The following GRIP1 variants were observed in gnomAD, a reference collection of about 807,000 sequenced individuals.
GRIP1 encodes the protein glutamate receptor-interacting protein 1.
A neutral mutation model predicts 129.9 loss-of-function variants in GRIP1; 45 were observed. The ratio of observed to expected loss-of-function variants is 0.35; its 90% CI spans 0.27 to 0.44. The LOEUF (loss-of-function observed/expected upper bound fraction) is 0.44. GRIP1 is among the 20% of genes least tolerant of loss of function. GRIP1 has a pLI of 1.00. For missense variants in GRIP1, 1,196 were observed against 1,396.8 expected (o/e 0.86, Z 2.29); for synonymous variants, 530 against 520.8 (o/e 1.02, Z -0.24).
At chr12:66,660,428 A>T (rs919471518) in intron 1 of GRIP1, among the ~76,000 whole-genome samples, 1 of 152,142 alleles carries the variant, frequency 6.6e-6, no homozygotes, top group Non-Finnish European at 1.5e-5. Flanking sequence ...TAAATTAATG[A>T]ATTATCCTCT....
chr12:66,973,641 T>C (rs941786328), intron 1 of GRIP1, among the ~76,000 whole-genome samples: 1 of 152,140 alleles, frequency 6.6e-6, no homozygotes, highest in Non-Finnish European at 1.5e-5. Flanking sequence ...CTAGGAAAGA[T>C]AATTCTGTTA....
At chr12:66,390,817 C>T (rs1396532350) in intron 19 of GRIP1, among the ~76,000 whole-genome samples, 6 of 152,086 alleles carry the variant, frequency 3.9e-5, no homozygotes, top group Non-Finnish European at 8.8e-5. Context: ...TTCTGGTGGC[C>T]CATCAATTCT....
At chr12:66,456,370 T>C in intron 9 of GRIP1, 28 bp from the exon 10 acceptor site, 2 of 1,249,460 alleles carry the variant, frequency 1.6e-6, no homozygotes, top group Non-Finnish European at 2.1e-6. Context: ...TGATGAAAAA[T>C]AAGAAAAACA....
intron 1 of GRIP1, among the ~76,000 whole-genome samples, chr12:66,875,646 T>C (rs2040370506): frequency 6.6e-6 from 1 of 152,220 alleles, no homozygotes; most frequent in Middle Eastern, 3.4e-3. Flanking sequence ...GGTAGAAGAC[T>C]TCATTGCTTA....
intron 1 of GRIP1, among the ~76,000 whole-genome samples, chr12:66,613,888 T>A (rs575930646): frequency 1.3e-5 from 2 of 152,326 alleles, no homozygotes; most frequent in Admixed American, 1.3e-4. Flanking sequence ...TACCATCCAC[T>A]TCTGGTCAGA....
chr12:67,009,263 G>A (rs1474630933), intron 1 of GRIP1, among the ~76,000 whole-genome samples: 2 of 152,148 alleles, frequency 1.3e-5, no homozygotes, highest in Non-Finnish European at 2.9e-5. Context: ...AAGATTTTAA[G>A]AGGGGATTAT....
At chr12:66,797,412 C>CCT (rs1388595614) in intron 1 of GRIP1, among the ~76,000 whole-genome samples, 4 of 152,048 alleles carry the variant, frequency 2.6e-5, no homozygotes, top group African/African-American at 4.8e-5. Flanking sequence ...GCCAGTGATT[C>CCT]CTCTCTCTCT....
chr12:66,948,536 T>G (rs906761491), intron 1 of GRIP1, among the ~76,000 whole-genome samples: 25 of 152,300 alleles, frequency 1.6e-4, no homozygotes, highest in African/African-American at 4.8e-4. Flanking sequence ...ATGAGCTGCT[T>G]CTTCTGTCTT....
intron 7 of GRIP1, among the ~76,000 whole-genome samples, chr12:66,465,703 C>G (rs1262553423): frequency 2.0e-5 from 3 of 152,216 alleles, no homozygotes; most frequent in Admixed American, 2.0e-4. Flanking sequence ...TCTTATGTAT[C>G]TTTATCCCCT....
intron 13 of GRIP1, among the ~76,000 whole-genome samples, chr12:66,435,207 T>TTTTG (rs2058266301): frequency 1.3e-5 from 2 of 151,160 alleles, no homozygotes; most frequent in Non-Finnish European, 3.0e-5. Flanking sequence ...TGACCATTTT[T>TTTTG]TTTTTTTTTT....
intron 1 of GRIP1, among the ~76,000 whole-genome samples, chr12:66,988,942 A>T (rs1021122907): frequency 5.9e-5 from 9 of 152,196 alleles, no homozygotes; most frequent in African/African-American, 2.2e-4. Flanking sequence ...CTAAATGCTG[A>T]TCATAACTTA....
rs2054078515 is a variant in GRIP1 at position 66,348,491 on chromosome 12, A to AAGAT, written c.*524_*527dup. 1 of 164,028 alleles carries AAGAT rather than the reference A, an allele frequency of 6.1e-6. No individual in the cohort carries two copies. The highest frequency in any genetic ancestry group is 1.3e-5 in the Non-Finnish European group (1 of 74,600). 10.2% of individuals were successfully genotyped at this position (164,028 alleles called of 1,614,324 possible). On this transcript the variant is annotated 3_prime_UTR_variant, in exon 25 of 25. Coordinates refer to ENST00000359742, the MANE Select transcript of GRIP1 (RefSeq NM_001366722.1). Reference sequence around the variant, plus strand: ...ACGTGCATCATTGCTGAAACATTTTAAGATAACTTAATTTTATACCTGTAC... The same window carrying AAGAT: ...ACGTGCATCATTGCTGAAACATTTTAAGATAGATAACTTAATTTTATACCTGTAC...
chr12:66,817,243 C>CACACACACAT, intron 1 of GRIP1, among the ~76,000 whole-genome samples: 1 of 132,300 alleles, frequency 7.6e-6, no homozygotes, highest in African/African-American at 2.7e-5. Context: ...CACACACACA[C>CACACACACAT]ATATATATTT....
At chr12:66,440,364 T>G (rs140331556) in intron 13 of GRIP1, among the ~76,000 whole-genome samples, 262 of 152,272 alleles carry the variant, frequency 1.7e-3, no homozygotes, top group African/African-American at 6.0e-3. Flanking sequence ...AAATTATTTT[T>G]TACTTCAGTC....
chr12:66,451,383 G>GTTT lies in GRIP1; in HGVS notation c.1354+4023_1354+4025dup, dbSNP rs1169331519. On this transcript the variant is annotated intron_variant, in intron 11 of 24. Coordinates refer to ENST00000359742, the MANE Select transcript of GRIP1 (RefSeq NM_001366722.1). ...CCCCAAAGATTTATTATTATAATCTGTTTTTTTTTTTTTTTTTTTTTTTTT... is the reference window on the plus strand; with the variant it reads ...CCCCAAAGATTTATTATTATAATCTGTTTTTTTTTTTTTTTTTTTTTTTTTTTT... Among the ~76,000 whole-genome samples, 10 of 42,654 alleles carry GTTT rather than the reference G, an allele frequency of 2.3e-4. 3 individuals carry two copies. The highest frequency in any genetic ancestry group is 8.8e-4 in the African/African-American group (8 of 9,086). The allele number at this position is 42,654 out of a possible 152,430, so 28.0% of individuals were successfully genotyped here.
intron 1 of GRIP1, among the ~76,000 whole-genome samples, chr12:66,642,022 AT>A (rs753292022): frequency 2.6e-5 from 4 of 152,190 alleles, no homozygotes; most frequent in Non-Finnish European, 5.9e-5. Context: ...CCAAGTTACA[AT>A]GTGAATTACA....
chr12:66,694,372 AAAATGTGGAAACAGAGAGTTTCCACAT>A, intron 1 of GRIP1, among the ~76,000 whole-genome samples: 1 of 152,326 alleles, frequency 6.6e-6, no homozygotes, highest in Non-Finnish European at 1.5e-5. Flanking sequence ...AAGCTGCAAA[AAAATGTGGAAACAGAGAGTTTCCACAT>A]ATCCTTTACC....
intron 1 of GRIP1, among the ~76,000 whole-genome samples, chr12:66,786,169 G>T (rs531080059): frequency 6.6e-6 from 1 of 152,346 alleles, no homozygotes; most frequent in South Asian, 2.1e-4. Flanking sequence ...TGGAATAAGG[G>T]TTGAGGAAAA....
rs1592518083 is a variant in GRIP1, at chr12:66,541,934, G to A, written c.153C>T (p.Ser51=). The A allele has an allele frequency of 6.2e-7, 1 of 1,613,778 alleles. No individual in the cohort carries two copies. The highest frequency in any genetic ancestry group is 2.2e-5 in the East Asian group (1 of 44,878). ...CCTTCTTCATCAGCTCGACGACTGT[G>A]GAGCCCTTGAATTCCTCTGTTAAAA... ...RQSIPEEFKG[S]TVVELMKKEG... The change falls in exon 3 of 25, where the codon TCC becomes TCT. Residue 51 remains serine (S), a synonymous_variant. Transcript: ENST00000359742.
Sources: gnomAD v4.1 joint callset for allele counts (sites outside exome capture counted in the v4.1 genomes callset) on GRCh38, gnomAD v4.1.1 for gene constraint, MANE v1.5 for transcripts, NCBI Gene and HGNC (gene_info 2026-07-23, HGNC 2026-07-21) for gene names.